GRIA4: variants seen among roughly 807,000 people sequenced by gnomAD.
GRIA4 encodes glutamate receptor 4.
Under a neutral mutation model 104.0 loss-of-function variants are expected in GRIA4, and 34 were observed. That is an observed-to-expected ratio of 0.33 (90% CI 0.25 to 0.44). The LOEUF (loss-of-function observed/expected upper bound fraction) is 0.44, where lower values mean the gene tolerates loss of function less well. Among genes scored for constraint, GRIA4 ranks in the 20% least tolerant of loss-of-function variants. GRIA4 has a pLI of 1.00. For missense variants in GRIA4, 750 were observed against 1,096.5 expected (o/e 0.68, Z 4.46); for synonymous variants, 386 against 381.9 (o/e 1.01, Z -0.13).
At chr11:105,798,038 C>T in intron 4 of GRIA4, 2 of 320,018 alleles carry the variant, frequency 6.2e-6, no homozygotes, top group Non-Finnish European at 1.2e-5. Flanking sequence ...AATAATAACA[C>T]TACTAAAATC....
chr11:105,655,047 G>C (rs1591510769), intron 3 of GRIA4, among the ~76,000 whole-genome samples: 1 of 152,116 alleles, frequency 6.6e-6, no homozygotes, highest in African/African-American at 2.4e-5. Flanking sequence ...AAACCTTGTA[G>C]AGACCCTTTT....
intron 7 of GRIA4, among the ~76,000 whole-genome samples, chr11:105,900,204 T>C (rs923797088): frequency 7.2e-5 from 11 of 152,172 alleles, no homozygotes; most frequent in Non-Finnish European, 1.5e-5. Flanking sequence ...GGAGGAAAAT[T>C]TGAAAATTTA....
intron 3 of GRIA4, among the ~76,000 whole-genome samples, chr11:105,682,756 G>A (rs781359607): frequency 1.3e-5 from 2 of 152,188 alleles, no homozygotes; most frequent in Non-Finnish European, 2.9e-5. Flanking sequence ...ATCTGAAGAA[G>A]AGCAGAACTC....
At chr11:105,718,130 C>T (rs953283446) in intron 3 of GRIA4, among the ~76,000 whole-genome samples, 5 of 152,028 alleles carry the variant, frequency 3.3e-5, no homozygotes, top group Admixed American at 3.3e-4. Context: ...TCACCTCAAA[C>T]ATAAGCCCAG....
At chr11:105,896,921 A>G (rs1946670826) in intron 6 of GRIA4, among the ~76,000 whole-genome samples, 1 of 152,098 alleles carries the variant, frequency 6.6e-6, no homozygotes, top group Non-Finnish European at 1.5e-5. Context: ...TGAATATTAG[A>G]ATTGTTCTTT....
At chr11:105,612,239 GA>G (rs760839370) in intron 2 of GRIA4, 36 bp from the exon 3 acceptor site, 1 of 1,604,652 alleles carries the variant, frequency 6.2e-7, no homozygotes, top group East Asian at 2.2e-5. Context: ...TTGACAAGAG[GA>G]AACAGTGAAT....
At chr11:105,873,285 G>A (rs1470800639) in intron 5 of GRIA4, among the ~76,000 whole-genome samples, 1 of 152,132 alleles carries the variant, frequency 6.6e-6, no homozygotes, top group Non-Finnish European at 1.5e-5. Context: ...ATATTCCATG[G>A]TATATTTGTG....
At chr11:105,683,464 A>G (rs1346189746) in intron 3 of GRIA4, among the ~76,000 whole-genome samples, 2 of 152,100 alleles carry the variant, frequency 1.3e-5, no homozygotes, top group Non-Finnish European at 2.9e-5. Context: ...GCTCCTGAAG[A>G]CTAGAGGAAT....
rs184805446 is a variant in GRIA4, at chr11:105,671,543, T to C, written c.247+59109T>C. Among the ~76,000 whole-genome samples the C allele has an allele frequency of 4.6e-3, 690 of 151,308 alleles. 9 individuals carry two copies. Among genetic ancestry groups the C allele is most frequent in the African/African-American group, 0.016 (652 of 41,278 alleles). Reference sequence around the variant, plus strand: ...AATACAAAAAATTAGCTGGGTGTGGTGGTAGGCACCTGTAATCCCAGCTAC... The same window carrying C: ...AATACAAAAAATTAGCTGGGTGTGGCGGTAGGCACCTGTAATCCCAGCTAC... On this transcript the variant is annotated intron_variant, in intron 3 of 16. Coordinates refer to ENST00000282499, the MANE Select transcript of GRIA4 (RefSeq NM_000829.4).
At chr11:105,866,452 T>C (rs933638804) in intron 5 of GRIA4, among the ~76,000 whole-genome samples, 3 of 151,016 alleles carry the variant, frequency 2.0e-5, no homozygotes, top group African/African-American at 7.3e-5. Flanking sequence ...TTTGTGTGTG[T>C]GTGTGTGTGA....
intron 7 of GRIA4, among the ~76,000 whole-genome samples, chr11:105,902,193 T>C (rs1946883519): frequency 6.6e-6 from 1 of 152,232 alleles, no homozygotes; most frequent in African/African-American, 2.4e-5. Context: ...ATACAAGAGT[T>C]ATATCCTATA....
intron 4 of GRIA4, among the ~76,000 whole-genome samples, chr11:105,847,109 C>T (rs1944626617): frequency 2.0e-5 from 3 of 151,676 alleles, no homozygotes; most frequent in South Asian, 4.2e-4. Flanking sequence ...TTTTTGGCAC[C>T]GGGGACCGGT....
intron 4 of GRIA4, among the ~76,000 whole-genome samples, chr11:105,822,959 A>G (rs1447538842): frequency 1.3e-5 from 2 of 152,078 alleles, no homozygotes; most frequent in African/African-American, 4.8e-5. Flanking sequence ...TTCTTCTTCT[A>G]TCATGTTGTA....
rs77848442 is a variant in GRIA4 at position 105,839,018 on chromosome 11, C to A, written c.488-23006C>A. Among the ~76,000 whole-genome samples, 1,457 of 152,220 alleles carry A rather than the reference C, an allele frequency of 9.6e-3. 26 individuals carry two copies. The highest frequency in any genetic ancestry group is 0.033 in the African/African-American group (1,359 of 41,538). ...TTCAACTTTCTCAGTGTCTTCATTG[C>A]CCTCCACCTGTTTAGATGCACAGGG... On this transcript the variant is annotated intron_variant, in intron 4 of 16. Coordinates refer to ENST00000282499, the MANE Select transcript of GRIA4 (RefSeq NM_000829.4).
chr11:105,837,773 G>A (rs1944248954), intron 4 of GRIA4, among the ~76,000 whole-genome samples: 1 of 152,000 alleles, frequency 6.6e-6, no homozygotes, highest in Admixed American at 6.6e-5. Flanking sequence ...TATATTTATT[G>A]TTTTTATCAA....
intron 3 of GRIA4, among the ~76,000 whole-genome samples, chr11:105,746,897 AT>A (rs1167690559): frequency 6.6e-6 from 1 of 152,140 alleles, no homozygotes; most frequent in East Asian, 1.9e-4. Flanking sequence ...AAAGCTGGAA[AT>A]GAGATCACCA....
chr11:105,690,490 T>C (rs1953045083), intron 3 of GRIA4, among the ~76,000 whole-genome samples: 1 of 152,188 alleles, frequency 6.6e-6, no homozygotes, highest in South Asian at 2.1e-4. Flanking sequence ...ATTAGCCAAC[T>C]CTGATAGGGG....
chr11:105,980,788 T>G lies in GRIA4; in HGVS notation c.*1049T>G, dbSNP rs1455948545. ...TTATAAGACTATAAGAGAGATTGTA[T>G]TAGTGGTGGGCCATAGTGGAAAATG... On this transcript the variant is annotated 3_prime_UTR_variant, in exon 17 of 17. Coordinates refer to ENST00000282499, the MANE Select transcript of GRIA4 (RefSeq NM_000829.4). 1 of 152,648 alleles carries G rather than the reference T, an allele frequency of 6.6e-6. No homozygotes were observed. Among genetic ancestry groups the G allele is most frequent in the Non-Finnish European group, 1.5e-5 (1 of 68,052 alleles). The allele number at this position is 152,648 out of a possible 1,614,324, so 9.5% of individuals were successfully genotyped here.
intron 3 of GRIA4, among the ~76,000 whole-genome samples, chr11:105,631,628 T>C (rs2135311772): frequency 6.6e-6 from 1 of 152,326 alleles, no homozygotes; most frequent in African/African-American, 2.4e-5. Context: ...CAGTTGTAAC[T>C]TTAATTAACT....
Sources: allele counts gnomAD v4.1 joint callset (sites outside exome capture counted in the v4.1 genomes callset), GRCh38; gene constraint gnomAD v4.1.1; transcripts MANE v1.5; gene names NCBI Gene and HGNC (gene_info 2026-07-23, HGNC 2026-07-21).